Variants in CDC73 observed in about 807,000 individuals in gnomAD.
The protein encoded by CDC73 is cell division cycle 73.
In CDC73, 21 loss-of-function variants were observed where a neutral mutation model predicts 83.7. That is an observed-to-expected ratio of 0.25 (90% confidence interval 0.18 to 0.36). CDC73 has a LOEUF of 0.36. CDC73 is among the 10% of genes least tolerant of loss of function. CDC73 has a pLI of 1.00. For synonymous variants in CDC73, 224 were observed against 212.9 expected (o/e 1.05, Z -0.45); for missense variants, 342 against 653.3 (o/e 0.52, Z 5.19).
At chr1:193,164,044 T>A (rs1305658381) in intron 10 of CDC73, among the ~76,000 whole-genome samples, 1 of 152,190 alleles carries the variant, frequency 6.6e-6, no homozygotes, top group African/African-American at 2.4e-5. Flanking sequence ...GTGCTGGGAT[T>A]GCAAGCATGA....
intron 10 of CDC73, among the ~76,000 whole-genome samples, chr1:193,153,700 C>T (rs1412498114): frequency 6.6e-6 from 1 of 152,090 alleles, no homozygotes; most frequent in Non-Finnish European, 1.5e-5. Context: ...TTTAAATTGT[C>T]ATCAGATTTG....
At chr1:193,160,526 A>T (rs1349150732) in intron 10 of CDC73, among the ~76,000 whole-genome samples, 3 of 152,044 alleles carry the variant, frequency 2.0e-5, no homozygotes, top group Non-Finnish European at 1.5e-5. Flanking sequence ...TTGCACAAAG[A>T]TTTTAGTTTT....
Position 193,201,931 on chromosome 1 carries a change from C to CA in CDC73, c.973-1855dup, listed in dbSNP as rs201604582. ...ATTTTGAACTTAGGCCACTCTATTCCAAAAAAAAAGAAGGGCTTTGATTTG... is the reference window on the plus strand; with the variant it reads ...ATTTTGAACTTAGGCCACTCTATTCCAAAAAAAAAAGAAGGGCTTTGATTTG... On this transcript the variant is annotated intron_variant, in intron 10 of 16. Transcript: ENST00000367435. 1.4e-4 allele frequency among the ~76,000 whole-genome samples: 21 copies of CA among 148,992 alleles called. No homozygotes were observed. The East Asian group carries it at 1.8e-3, about 12-fold the overall frequency.
rs376118451 is a variant in CDC73, at chr1:193,197,569, C to T, written c.973-6226C>T. 7.9e-5 allele frequency among the ~76,000 whole-genome samples: 12 copies of T among 152,192 alleles called. No homozygotes were observed. In the East Asian group the frequency reaches 9.6e-4, roughly 12 times the overall value. ...GCAAGCACCATGAGGGTAGGGACCT[C>T]GTGCTCTTGTTTATATTTCTGCATT... On this transcript the variant is annotated intron_variant, in intron 10 of 16. Transcript: ENST00000367435.
chr1:193,208,821 TC>T (rs906788588), intron 11 of CDC73, among the ~76,000 whole-genome samples: 2 of 152,178 alleles, frequency 1.3e-5, no homozygotes, highest in Non-Finnish European at 2.9e-5. Context: ...AGCAGTTTCT[TC>T]CCGCCTATGG....
chr1:193,224,924 A>G (rs1223246144), intron 13 of CDC73, among the ~76,000 whole-genome samples: 3 of 151,478 alleles, frequency 2.0e-5, no homozygotes, highest in African/African-American at 7.3e-5. Context: ...GTTTTTGGGG[A>G]ACAGGTGGTA....
chr1:193,201,177 C>A (rs1028336233), intron 10 of CDC73, among the ~76,000 whole-genome samples: 1 of 151,972 alleles, frequency 6.6e-6, no homozygotes, highest in Non-Finnish European at 1.5e-5. Context: ...CTTGAGAAGA[C>A]AAAATTAGGT....
intron 10 of CDC73, 27 bp from the exon 11 acceptor site, chr1:193,203,768 T>C (rs1383522777): frequency 6.4e-7 from 1 of 1,564,434 alleles, no homozygotes; most frequent in Admixed American, 1.7e-5. Flanking sequence ...ACTTTGATCT[T>C]ATATATCAAT....
chr1:193,194,724 A>AT (rs761900679), intron 10 of CDC73, among the ~76,000 whole-genome samples: 1 of 152,222 alleles, frequency 6.6e-6, no homozygotes, highest in South Asian at 2.1e-4. Flanking sequence ...CATGGATGTC[A>AT]TTTTTTAATC....
At chr1:193,204,697 A>C in intron 11 of CDC73, among the ~76,000 whole-genome samples, 1 of 152,362 alleles carries the variant, frequency 6.6e-6, no homozygotes, top group Middle Eastern at 3.4e-3. Context: ...TAGAACATTT[A>C]CTTGAATAAA....
intron 7 of CDC73, among the ~76,000 whole-genome samples, chr1:193,144,756 A>C (rs148864370): frequency 1.8e-4 from 27 of 152,166 alleles, no homozygotes; most frequent in Admixed American, 4.6e-4. Flanking sequence ...GTGAAGTATG[A>C]ACTGAATCAA....
intron 13 of CDC73, among the ~76,000 whole-genome samples, chr1:193,214,043 A>T (rs112769618): frequency 4.9e-4 from 74 of 152,182 alleles, no homozygotes; most frequent in African/African-American, 1.7e-3. Flanking sequence ...TTTTCCCTCT[A>T]CTTTAACCTT....
intron 15 of CDC73, among the ~76,000 whole-genome samples, chr1:193,243,163 A>G (rs190207134): frequency 9.9e-4 from 150 of 152,170 alleles, no homozygotes; most frequent in African/African-American, 3.4e-3. Flanking sequence ...TCTGGTCTCA[A>G]ACTCCTGACC....
chr1:193,154,730 A>C (rs1320254548), intron 10 of CDC73, among the ~76,000 whole-genome samples: 1 of 152,212 alleles, frequency 6.6e-6, no homozygotes, highest in Non-Finnish European at 1.5e-5. Context: ...TGAAGTTCTC[A>C]GATAATTATT....
intron 15 of CDC73, among the ~76,000 whole-genome samples, chr1:193,245,598 G>A (rs1677940101): frequency 6.6e-6 from 1 of 152,050 alleles, no homozygotes; most frequent in Admixed American, 6.6e-5. Context: ...ATTAAACATG[G>A]GGGTGCAGAT....
At chr1:193,123,439 C>T (rs1293668783) in intron 1 of CDC73, among the ~76,000 whole-genome samples, 1 of 152,162 alleles carries the variant, frequency 6.6e-6, no homozygotes, top group Non-Finnish European at 1.5e-5. Context: ...GTTGGTCAGG[C>T]TGGTCTCGAA....
intron 10 of CDC73, among the ~76,000 whole-genome samples, chr1:193,159,462 C>G (rs978093814): frequency 1.3e-5 from 2 of 152,168 alleles, no homozygotes; most frequent in African/African-American, 4.8e-5. Context: ...CATCCGTCTC[C>G]TGGGTTCAGG....
At chr1:193,218,128 C>G (rs1390462699) in intron 13 of CDC73, among the ~76,000 whole-genome samples, 1 of 152,082 alleles carries the variant, frequency 6.6e-6, no homozygotes, top group African/African-American at 2.4e-5. Context: ...TGAGAACCAA[C>G]TCAAGAATTC....
At chr1:193,178,623 T>C (rs1312354973) in intron 10 of CDC73, among the ~76,000 whole-genome samples, 1 of 149,912 alleles carries the variant, frequency 6.7e-6, no homozygotes, top group Admixed American at 6.6e-5. Context: ...TATCCCCTTA[T>C]GTGTGACTTT....
Sources: allele counts gnomAD v4.1 joint callset (sites outside exome capture counted in the v4.1 genomes callset), GRCh38; gene constraint gnomAD v4.1.1; transcripts MANE v1.5; gene names NCBI Gene and HGNC (gene_info 2026-07-23, HGNC 2026-07-21).